The following PTPN1 variants were observed in gnomAD, a reference collection of about 807,000 sequenced individuals.
PTPN1 encodes protein tyrosine phosphatase non-receptor type 1.
In PTPN1, 12 loss-of-function variants were observed where a neutral mutation model predicts 59.9. The observed-to-expected ratio is 0.20, with a 90% CI of 0.13 to 0.32. The LOEUF is 0.32. PTPN1 is among the 10% of genes least tolerant of loss of function. PTPN1 has a pLI of 1.00. For missense variants in PTPN1, 356 were observed against 549.2 expected, an observed-to-expected ratio of 0.65 and a Z score of 3.52; for synonymous variants, 178 against 203.6, an observed-to-expected ratio of 0.87 and a Z score of 1.07.
chr20:50,565,986 A>G (rs1237891362), intron 3 of PTPN1, among the ~76,000 whole-genome samples: 1 of 152,204 alleles, frequency 6.6e-6, no homozygotes, highest in Non-Finnish European at 1.5e-5. Flanking sequence ...GTCTTGTCCC[A>G]GTTCCTCCCC....
rs3787343 is a variant in PTPN1 at position 50,568,693 on chromosome 20, G to A, written c.354+215G>A. On this transcript the variant is annotated intron_variant, in intron 4 of 9. Coordinates refer to ENST00000371621, the MANE Select transcript of PTPN1 (RefSeq NM_002827.4). This position sits in a 1 kb window ranked among gnomAD's most constrained non-coding sequence, Gnocchi z 5.6. ...AAGGGAGGAGGCGGAAGAACTGCACGGACCTCTTCGCCCCCGCCTTCTCCT... is the reference window on the plus strand; with the variant it reads ...AAGGGAGGAGGCGGAAGAACTGCACAGACCTCTTCGCCCCCGCCTTCTCCT... Among the ~76,000 whole-genome samples the A allele has an allele frequency of 0.016, 2,385 of 152,360 alleles. 171 individuals are homozygous for A. The highest frequency in any genetic ancestry group is 0.12 in the Admixed American group (1,909 of 15,304).
chr20:50,580,028 G>C lies in PTPN1; in HGVS notation c.1088+102G>C, dbSNP rs993632799. ...ACCCTGTGGATGCAGCCTCCTGTTG[G>C]CAAGCAGCGCTTCCGCATCCTTGGG... On this transcript the variant is annotated intron_variant, in intron 8 of 9. Coordinates refer to ENST00000371621, the MANE Select transcript of PTPN1 (RefSeq NM_002827.4). The C allele has an allele frequency of 5.6e-6, 6 of 1,075,742 alleles. No homozygotes were observed. In the Admixed American group the frequency reaches 1.1e-4, roughly 19 times the overall value. The allele number at this position is 1,075,742 out of a possible 1,614,324, so 66.6% of individuals were successfully genotyped here.
intron 1 of PTPN1, among the ~76,000 whole-genome samples, chr20:50,540,873 G>A (rs1189230322): frequency 6.6e-6 from 1 of 152,186 alleles, no homozygotes; most frequent in Non-Finnish European, 1.5e-5. Context: ...GGGTCCTCCT[G>A]CCACTGGGAA....
intron 3 of PTPN1, among the ~76,000 whole-genome samples, chr20:50,567,000 C>T (rs1008905721): frequency 6.6e-6 from 1 of 152,174 alleles, no homozygotes; most frequent in Non-Finnish European, 1.5e-5. Flanking sequence ...CGAGTCCCTT[C>T]AGCACAGGGA....
chr20:50,578,698 T>C (rs2082849587), intron 6 of PTPN1, 69 bp downstream of exon 6: 2 of 1,368,074 alleles, frequency 1.5e-6, no homozygotes, highest in Non-Finnish European at 2.0e-6. Flanking sequence ...TTTTCCTAAG[T>C]AGAAACTGAA....
chr20:50,561,098 CT>C (rs2082750275), intron 1 of PTPN1, among the ~76,000 whole-genome samples: 1 of 152,128 alleles, frequency 6.6e-6, no homozygotes. Context: ...CATGCCTTTG[CT>C]GTGCAGGGTG....
intron 1 of PTPN1, among the ~76,000 whole-genome samples, chr20:50,530,363 T>C (rs1396933215): frequency 6.6e-6 from 1 of 152,000 alleles, no homozygotes; most frequent in Non-Finnish European, 1.5e-5. Flanking sequence ...TTTTAATTTG[T>C]TTTTCTTTTC....
chr20:50,554,130 C>T (rs1164757103), intron 1 of PTPN1, among the ~76,000 whole-genome samples: 1 of 152,230 alleles, frequency 6.6e-6, no homozygotes, highest in Non-Finnish European at 1.5e-5. Context: ...CACACTGTCT[C>T]ATGCCTGCAA....
At chr20:50,580,252 G>T (rs990357617) in intron 8 of PTPN1, among the ~76,000 whole-genome samples, 1 of 152,110 alleles carries the variant, frequency 6.6e-6, no homozygotes, top group African/African-American at 2.4e-5. Flanking sequence ...CCAGGTTTCC[G>T]GACAGTCCTG....
chr20:50,544,766 A>T (rs1210035803), intron 1 of PTPN1, among the ~76,000 whole-genome samples: 1 of 152,082 alleles, frequency 6.6e-6, no homozygotes, highest in African/African-American at 2.4e-5. Flanking sequence ...ACACTTTGGG[A>T]GGCTGAGGTG....
At chr20:50,540,732 T>G (rs1355696408) in intron 1 of PTPN1, among the ~76,000 whole-genome samples, 1 of 152,168 alleles carries the variant, frequency 6.6e-6, no homozygotes, top group Non-Finnish European at 1.5e-5. Context: ...GCCTGCCAAG[T>G]ACTCAAGAGT....
At chr20:50,539,644 CTTTTTTTTTT>C (rs5841806) in intron 1 of PTPN1, among the ~76,000 whole-genome samples, 3 of 90,548 alleles carry the variant, frequency 3.3e-5, no homozygotes, top group Non-Finnish European at 6.3e-5. Context: ...CTCTTTCTCT[CTTTTTTTTTT>C]TTTTTTTTTT....
chr20:50,528,539 C>G (rs1226369948), intron 1 of PTPN1, among the ~76,000 whole-genome samples: 1 of 151,772 alleles, frequency 6.6e-6, no homozygotes, highest in African/African-American at 2.4e-5. Context: ...CATGGTGAAA[C>G]CCTGTCTCTA....
rs1195564673 is a variant in PTPN1 at position 50,578,464 on chromosome 20, G to A, written c.537G>A (p.Trp179Ter). The change falls in exon 6 of 10, where the codon TGG (tryptophan) becomes TGA (stop). Residue 179 changes from tryptophan (W) to a stop codon, truncating the protein, a stop_gained. Coordinates refer to ENST00000371621, the MANE Select transcript of PTPN1 (RefSeq NM_002827.4). LOFTEE classifies it high-confidence loss of function. ...TCTTACATTTCCACTATACCACATG[G>A]CCTGACTTTGGAGTCCCTGAATCAC... ...REILHFHYTT[W>*]PDFGVPESPA... 1 of 1,614,170 alleles carries A rather than the reference G, an allele frequency of 6.2e-7. No individual in the cohort carries two copies.
intron 5 of PTPN1, chr20:50,578,074 T>G (rs890290946): frequency 2.2e-5 from 4 of 182,012 alleles, no homozygotes; most frequent in Non-Finnish European, 3.5e-5. Flanking sequence ...TATGACAAGA[T>G]TTTATGGGTG....
chr20:50,524,192 T>C (rs1568774924), intron 1 of PTPN1, among the ~76,000 whole-genome samples: 1 of 152,162 alleles, frequency 6.6e-6, no homozygotes, highest in Non-Finnish European at 1.5e-5. Context: ...GACCAGATAG[T>C]GAAGGCATCT....
chr20:50,546,627 C>T (rs889137000), intron 1 of PTPN1, among the ~76,000 whole-genome samples: 1 of 152,206 alleles, frequency 6.6e-6, no homozygotes, highest in Admixed American at 6.5e-5. Context: ...AAACGAAATT[C>T]TTAACCAAAG....
intron 1 of PTPN1, among the ~76,000 whole-genome samples, chr20:50,540,905 T>C (rs149273120): frequency 6.5e-4 from 99 of 152,300 alleles, no homozygotes; most frequent in African/African-American, 2.4e-3. Flanking sequence ...ATACTAGGTC[T>C]CTATCTGGCT....
At chr20:50,530,857 CTAAT>C (rs1344655041) in intron 1 of PTPN1, among the ~76,000 whole-genome samples, 3 of 152,088 alleles carry the variant, frequency 2.0e-5, no homozygotes, top group Non-Finnish European at 4.4e-5. Flanking sequence ...CTGTGCCCAG[CTAAT>C]TGTTTTTTTA....
Sources: gnomAD v4.1 joint callset for allele counts (sites outside exome capture counted in the v4.1 genomes callset) on GRCh38, gnomAD v4.1.1 for gene constraint, Gnocchi (gnomAD v3.1) non-coding constraint, MANE v1.5 for transcripts, NCBI Gene and HGNC (gene_info 2026-07-23, HGNC 2026-07-21) for gene names.